The following ATAD5 variants were observed in gnomAD, a reference collection of about 807,000 sequenced individuals.
ATAD5 encodes the protein ATPase family AAA domain containing 5, also known as ATPase family AAA domain-containing protein 5.
Under a neutral mutation model 176.9 loss-of-function variants are expected in ATAD5, and 58 were observed. That is an observed-to-expected ratio of 0.33 (90% CI 0.27 to 0.41). The LOEUF is 0.41. Ranked by LOEUF, ATAD5 falls within the 10% of genes least tolerant of loss-of-function variation. ATAD5 has a pLI of 1.00. For synonymous variants in ATAD5, 640 were observed against 712.6 expected (o/e 0.90, Z 1.62); for missense variants, 1,789 against 2,094.1 (o/e 0.85, Z 2.84).
intron 4 of ATAD5, among the ~76,000 whole-genome samples, chr17:30,842,081 C>G (rs1467658379): frequency 6.6e-6 from 1 of 151,954 alleles, no homozygotes; most frequent in Non-Finnish European, 1.5e-5. Flanking sequence ...CCAGTCTGAC[C>G]AACATGGTGA....
intron 15 of ATAD5, 144 bp from the exon 16 acceptor site, chr17:30,877,272 G>C (rs1383791439): frequency 1.4e-5 from 8 of 589,180 alleles, no homozygotes; most frequent in Non-Finnish European, 2.3e-5. Flanking sequence ...GCCTCCCAAA[G>C]TGCTGGGATT....
chr17:30,869,676 T>G, intron 14 of ATAD5, 30 bp downstream of exon 14: 1 of 1,557,278 alleles, frequency 6.4e-7, no homozygotes, highest in Non-Finnish European at 8.6e-7. Flanking sequence ...TAAGCCATAA[T>G]GTTTTGAAAA....
chr17:30,846,559 T>C (rs1906518580), intron 6 of ATAD5, among the ~76,000 whole-genome samples: 1 of 151,114 alleles, frequency 6.6e-6, no homozygotes, highest in South Asian at 2.1e-4. Flanking sequence ...CGCACCACCA[T>C]GCCCAGCTAA....
intron 7 of ATAD5, among the ~76,000 whole-genome samples, 153 bp from the exon 8 acceptor site, chr17:30,856,801 AG>A (rs1293011820): frequency 6.6e-6 from 1 of 152,134 alleles, no homozygotes; most frequent in East Asian, 1.9e-4. Context: ...TATTTGTTGG[AG>A]GGTAGGATTT....
chr17:30,860,317 C>A (rs1229245634), intron 9 of ATAD5, 116 bp from the exon 10 acceptor site: 3 of 1,218,414 alleles, frequency 2.5e-6, no homozygotes, highest in Admixed American at 6.2e-5. Context: ...AGCCACTGCA[C>A]CTGGATTGCC....
chr17:30,855,385 A>C, intron 7 of ATAD5, 58 bp downstream of exon 7: 2 of 1,459,900 alleles, frequency 1.4e-6, no homozygotes. Context: ...GGAACATTAA[A>C]CTATGTAAGT....
chr17:30,840,735 C>G lies in ATAD5; in HGVS notation c.2195C>G (p.Ser732Cys), dbSNP rs764586127. 8.1e-6 allele frequency: 13 copies of G among 1,609,134 alleles called. No homozygotes were observed. Among genetic ancestry groups the G allele is most frequent in the Non-Finnish European group, 9.3e-6 (11 of 1,178,352 alleles). ...EEIAIPLRRS[S>C]RHQTLPERKK... ...ATAGCGATACCCTTAAGGCGCTCCT[C>G]TAGACATCAGACACTTCCTGAAAGG... The change falls in exon 4 of 23, where the codon TCT becomes TGT. Residue 732 changes from serine to cysteine, a missense_variant. Transcript: ENST00000321990.
At chr17:30,880,685 G>A (rs1908961847) in intron 18 of ATAD5, among the ~76,000 whole-genome samples, 1 of 151,046 alleles carries the variant, frequency 6.6e-6, no homozygotes, top group South Asian at 2.1e-4. Context: ...TTAAGTTTTA[G>A]GAAACTTCTG....
In ATAD5 at chr17:30,894,547, AT is replaced by A; in HGVS notation, c.5298-16del. The A allele has an allele frequency of 6.3e-7, 1 of 1,587,966 alleles. No homozygotes were observed. The highest frequency in any genetic ancestry group is 1.9e-5 in the Admixed American group (1 of 52,828). On this transcript the variant is annotated splice_polypyrimidine_tract_variant and intron_variant, in intron 21 of 22. Coordinates refer to ENST00000321990, the MANE Select transcript of ATAD5 (RefSeq NM_024857.5). The stretch of plus-strand genomic sequence containing the variant: ...TCTTGGGCATTAAAAATTAAAAACA[AT>A]GCATTACTTTTACAGCAATGCTTGG...
At chr17:30,883,184 G>T (rs1567698236) in intron 18 of ATAD5, among the ~76,000 whole-genome samples, 1 of 149,234 alleles carries the variant, frequency 6.7e-6, no homozygotes, top group Non-Finnish European at 1.5e-5. Flanking sequence ...GAGTGTAGTG[G>T]CTCAGTCTCA....
intron 6 of ATAD5, among the ~76,000 whole-genome samples, chr17:30,847,056 TACC>T (rs1335909554): frequency 6.6e-6 from 1 of 152,030 alleles, no homozygotes; most frequent in Admixed American, 6.6e-5. Context: ...TACCTGTAAT[TACC>T]ACCACAATAA....
intron 19 of ATAD5, among the ~76,000 whole-genome samples, chr17:30,889,637 G>A (rs1048992048): frequency 6.6e-6 from 1 of 151,442 alleles, no homozygotes; most frequent in African/African-American, 2.4e-5. Context: ...CCTAATTCAA[G>A]TGAGTACCTT....
intron 12 of ATAD5, among the ~76,000 whole-genome samples, chr17:30,868,917 A>G (rs1346550289): frequency 1.4e-5 from 2 of 144,590 alleles, no homozygotes; most frequent in African/African-American, 5.2e-5. Context: ...GCTAACTGCA[A>G]CCTCCACCTC....
chr17:30,850,420 G>T lies in ATAD5; in HGVS notation c.2451-4723G>T, dbSNP rs183970786. Among the ~76,000 whole-genome samples the T allele has an allele frequency of 2.0e-5, 3 of 150,374 alleles. No homozygotes were observed. In the Admixed American group the frequency reaches 2.0e-4, roughly 10 times the overall value. On this transcript the variant is annotated intron_variant, in intron 6 of 22. Transcript: ENST00000321990. ...CTGTTGCCCAGGCTGGAGTGCAGTG[G>T]TGTGCTCACAGCTCACTGCAGCCTC...
chr17:30,863,077 A>G (rs989934590), intron 10 of ATAD5: 1 of 152,118 alleles, frequency 6.6e-6, no homozygotes, highest in Admixed American at 6.6e-5. Flanking sequence ...ACATGCCTGT[A>G]GTCTCAGCTC....
At position 30,836,044 on chromosome 17, in the gene ATAD5, A is replaced by G. The variant is rs955728688; in HGVS notation, c.1963A>G (p.Ile655Val). The G allele has an allele frequency of 1.4e-5, 23 of 1,586,690 alleles. No homozygotes were observed. The highest frequency in any genetic ancestry group is 2.0e-5 in the Non-Finnish European group (23 of 1,169,492). ...ITVPFDSESP[I>V]RMKFTRISTP... ...AGTACCCTTTGATTCAGAGAGCCCT[A>G]TTAGGTAAGGTTTGTTTTTGTTCTA... The change falls in exon 2 of 23, where the codon ATT (isoleucine) becomes GTT (valine). Residue 655 changes from isoleucine to valine, a missense_variant. This residue lies in a region of ATAD5 where 487 missense variants were observed against 573.6 expected (regional missense o/e 0.85). Coordinates refer to ENST00000321990, the MANE Select transcript of ATAD5 (RefSeq NM_024857.5).
chr17:30,883,565 A>AT (rs1909148039), intron 18 of ATAD5, among the ~76,000 whole-genome samples: 1 of 152,036 alleles, frequency 6.6e-6, no homozygotes, highest in Non-Finnish European at 1.5e-5. Flanking sequence ...TTATTTTTTG[A>AT]GATGGAGTCT....
intron 21 of ATAD5, 94 bp downstream of exon 21, chr17:30,894,244 T>C: frequency 1.8e-6 from 2 of 1,106,044 alleles, no homozygotes; most frequent in South Asian, 1.7e-5. Context: ...TGCTGTACTA[T>C]TGATCATGGT....
In ATAD5 at chr17:30,844,873, G is replaced by C; in HGVS notation, c.2407G>C (p.Ala803Pro). 18 of 1,586,120 alleles carry C rather than the reference G, an allele frequency of 1.1e-5. No individual in the cohort carries two copies. The highest frequency in any genetic ancestry group is 1.5e-5 in the Non-Finnish European group (18 of 1,172,596). Residue 803 changes from alanine (A) to proline (P), a missense_variant, in exon 6 of 23, where the codon GCA becomes CCA. By Grantham distance (27) the Ala-to-Pro change is conservative (BLOSUM62 -1). Around this residue, in one of 6 missense-constraint regions of ATAD5, gnomAD observed 487 missense variants for 573.6 expected, o/e 0.85. Coordinates refer to ENST00000321990, the MANE Select transcript of ATAD5 (RefSeq NM_024857.5). ...CGCTCCTTTATTTCTTGTCAGAAAA[G>C]CACAAAAAGCAGCTGATCCTGTCCC... ...KVAPLFLVRK[A>P]QKAADPVPSF...
Sources: gnomAD v4.1 joint callset for allele counts (sites outside exome capture counted in the v4.1 genomes callset) on GRCh38, gnomAD v4.1.1 for gene constraint, gnomAD v4.1.1 regional missense constraint, MANE v1.5 for transcripts, NCBI Gene and HGNC (gene_info 2026-07-23, HGNC 2026-07-21) for gene names.